Variants in MRPS18A observed in about 807,000 individuals in gnomAD.
MRPS18A encodes the protein large ribosomal subunit protein mL66.
A neutral mutation model predicts 22.7 loss-of-function variants in MRPS18A; 20 were observed. That is an observed-to-expected ratio of 0.88 (90% CI 0.62 to 1.28). MRPS18A has a LOEUF of 1.28. Among genes scored for constraint, MRPS18A ranks in the 50% most tolerant of loss-of-function variants. The probability of loss-of-function intolerance (pLI) is 0.00; values close to 1 mark genes in which losing one functional copy is unlikely to be tolerated. For synonymous variants in MRPS18A, 106 were observed against 99.1 expected (o/e 1.07, Z -0.41); for missense variants, 294 against 262.6 (o/e 1.12, Z -0.83).
intron 3 of MRPS18A, 75 bp from the exon 4 acceptor site, chr6:43,675,692 T>A (rs1774014070): frequency 6.6e-7 from 1 of 1,510,398 alleles, no homozygotes; most frequent in African/African-American, 1.4e-5. Flanking sequence ...GGCTTCATGG[T>A]CTACAGGGGA....
intron 1 of MRPS18A, among the ~76,000 whole-genome samples, chr6:43,681,616 G>C (rs1180257105): frequency 6.6e-6 from 1 of 152,228 alleles, no homozygotes; most frequent in Non-Finnish European, 1.5e-5. Context: ...TGGCACCCCA[G>C]TGAATGAGCA....
chr6:43,677,563 G>A (rs1395054603), intron 3 of MRPS18A, among the ~76,000 whole-genome samples: 4 of 152,102 alleles, frequency 2.6e-5, no homozygotes, highest in Non-Finnish European at 5.9e-5. Context: ...ATTTCTCCAG[G>A]GCTGTGTCCT....
intron 3 of MRPS18A, among the ~76,000 whole-genome samples, chr6:43,676,883 T>A (rs1010612329): frequency 6.6e-6 from 1 of 152,188 alleles, no homozygotes; most frequent in Non-Finnish European, 1.5e-5. Flanking sequence ...CAGAATCTGA[T>A]GAAAAGAACT....
At position 43,686,763 on chromosome 6, in the gene MRPS18A, C is replaced by T. The variant is rs1774726713; in HGVS notation, c.112+905G>A. ...CCCACATCTCTTCTTTTGCACATCACTCATCCTTTCCTGCTTCCAGGAGTA... is the reference window on the plus strand; with the variant it reads ...CCCACATCTCTTCTTTTGCACATCATTCATCCTTTCCTGCTTCCAGGAGTA... On this transcript the variant is annotated intron_variant, in intron 1 of 5. Coordinates refer to ENST00000372133, the MANE Select transcript of MRPS18A (RefSeq NM_018135.4). 2.0e-5 allele frequency among the ~76,000 whole-genome samples: 3 copies of T among 152,354 alleles called. No homozygotes were observed. The South Asian group carries it at 6.2e-4, about 32-fold the overall frequency.
At chr6:43,685,533 G>A (rs1167973526) in intron 1 of MRPS18A, among the ~76,000 whole-genome samples, 1 of 152,146 alleles carries the variant, frequency 6.6e-6, no homozygotes, top group Non-Finnish European at 1.5e-5. Flanking sequence ...ATTGTTACTG[G>A]GGGACAAAAT....
chr6:43,672,650 A>G (rs1773803196), intron 5 of MRPS18A: 1 of 287,116 alleles, frequency 3.5e-6, no homozygotes, highest in Non-Finnish European at 7.3e-6. Context: ...AAGGCCAGGA[A>G]TCCTCCCCTG....
At chr6:43,681,020 C>A in intron 2 of MRPS18A, 69 bp downstream of exon 2, 1 of 1,515,802 alleles carries the variant, frequency 6.6e-7, no homozygotes, top group Non-Finnish European at 9.1e-7. Flanking sequence ...CCCCTCCCTC[C>A]CTCAGAGGAG....
chr6:43,687,134 T>C lies in MRPS18A; in HGVS notation c.112+534A>G, dbSNP rs559748773. On this transcript the variant is annotated intron_variant, in intron 1 of 5. Coordinates refer to ENST00000372133, the MANE Select transcript of MRPS18A (RefSeq NM_018135.4). The stretch of plus-strand genomic sequence containing the variant: ...GATTAAGATTAATGAAAAGCTGAAC[T>C]ACCATCCTGCATTTGCCTATGTCTC... 4.8e-4 allele frequency among the ~76,000 whole-genome samples: 73 copies of C among 152,232 alleles called. 1 individual carries two copies. Among genetic ancestry groups the C allele is most frequent in the Non-Finnish European group, 9.1e-4 (62 of 68,040 alleles).
At chr6:43,686,740 C>T (rs140981228) in intron 1 of MRPS18A, among the ~76,000 whole-genome samples, 7 of 152,348 alleles carry the variant, frequency 4.6e-5, no homozygotes, top group African/African-American at 1.7e-4. Context: ...CAAAAAACCC[C>T]ACATCTCTTC....
intron 3 of MRPS18A, 53 bp from the exon 4 acceptor site, chr6:43,675,670 C>A (rs1468949928): frequency 1.9e-6 from 3 of 1,552,918 alleles, no homozygotes; most frequent in African/African-American, 1.4e-5. Flanking sequence ...GCTTTTGATG[C>A]CGGGAAGCTA....
intron 5 of MRPS18A, among the ~76,000 whole-genome samples, chr6:43,674,563 A>G (rs1053668440): frequency 2.8e-4 from 42 of 152,158 alleles, no homozygotes; most frequent in African/African-American, 9.7e-4. Flanking sequence ...GGAACTTGCA[A>G]TGGGACAGCT....
At chr6:43,683,863 G>C (rs1266871600) in intron 1 of MRPS18A, among the ~76,000 whole-genome samples, 1 of 152,162 alleles carries the variant, frequency 6.6e-6, no homozygotes, top group African/African-American at 2.4e-5. Flanking sequence ...CTCTGCATGG[G>C]AACTTGACTA....
chr6:43,683,442 G>A (rs1774524011), intron 1 of MRPS18A, among the ~76,000 whole-genome samples: 1 of 152,134 alleles, frequency 6.6e-6, no homozygotes, highest in African/African-American at 2.4e-5. Context: ...AATCAAAATA[G>A]TATTGATTTA....
intron 2 of MRPS18A, among the ~76,000 whole-genome samples, chr6:43,679,576 G>A (rs73430403): frequency 0.039 from 6,005 of 152,202 alleles, 374 homozygotes; most frequent in African/African-American, 0.14. Context: ...CTGGGAATTA[G>A]CTCCAATTGC....
At chr6:43,678,993 G>A (rs1010129787) in intron 2 of MRPS18A, among the ~76,000 whole-genome samples, 7 of 152,182 alleles carry the variant, frequency 4.6e-5, no homozygotes, top group Non-Finnish European at 1.0e-4. Flanking sequence ...GCTTTTGGGG[G>A]AAAGTAATAC....
chr6:43,675,535 T>C lies in MRPS18A; in HGVS notation c.335A>G (p.His112Arg), dbSNP rs1326578699. The part of the protein sequence containing the change: ...RKITGLCQEE[H>R]RKIEECVKMA... ...CTTCACACACTCCTCGATCTTGCGG[T>C]GTTCTTCCTGGCATAGGCCTGTGAT... Residue 112 changes from histidine to arginine, a missense_variant, in exon 4 of 6, where the codon CAC becomes CGC. Transcript: ENST00000372133. The C allele has an allele frequency of 6.2e-7, 1 of 1,614,006 alleles. No individual in the cohort carries two copies. The highest frequency in any genetic ancestry group is 1.3e-5 in the African/African-American group (1 of 74,914).
chr6:43,687,764 C>G lies in MRPS18A; in HGVS notation c.16G>C (p.Ala6Pro), dbSNP rs747227638. Residue 6 changes from alanine to proline, a missense_variant, in exon 1 of 6, where the codon GCT becomes CCT. Transcript: ENST00000372133. MAALK[A>P]LVSGCGRLLR... Reference sequence around the variant, plus strand: ...AGCCGCCCACAGCCGGACACCAGAGCCTTGAGGGCCGCCATCTTCAAAAAC... The same window carrying G: ...AGCCGCCCACAGCCGGACACCAGAGGCTTGAGGGCCGCCATCTTCAAAAAC... 5.7e-6 allele frequency: 9 copies of G among 1,577,664 alleles called. No individual in the cohort carries two copies. Among genetic ancestry groups the G allele is most frequent in the Non-Finnish European group, 7.7e-6 (9 of 1,161,566 alleles).
intron 5 of MRPS18A, among the ~76,000 whole-genome samples, 174 bp downstream of exon 5, chr6:43,675,028 G>A (rs1773972373): frequency 6.6e-6 from 1 of 152,242 alleles, no homozygotes; most frequent in Admixed American, 6.5e-5. Context: ...CCCTACAGGG[G>A]AGGAAAGAGG....
rs558754453 is a variant in MRPS18A, at chr6:43,675,308, C to A, written c.377-37G>T. The A allele has an allele frequency of 2.2e-5, 34 of 1,549,360 alleles. 1 individual carries two copies. The South Asian group carries it at 4.2e-4, about 19-fold the overall frequency. On this transcript the variant is annotated intron_variant, in intron 4 of 5. Coordinates refer to ENST00000372133, the MANE Select transcript of MRPS18A (RefSeq NM_018135.4). ...GGAAGAGGGGATAGTCTTTGCAGCT[C>A]CCTCTGCAGCTCTGAGGGGGCCAGA...
Sources: allele counts gnomAD v4.1 joint callset (sites outside exome capture counted in the v4.1 genomes callset), GRCh38; gene constraint gnomAD v4.1.1; transcripts MANE v1.5; gene names NCBI Gene and HGNC (gene_info 2026-07-23, HGNC 2026-07-21).